Variants in CCDC171 observed in about 807,000 individuals in gnomAD.
CCDC171 encodes the protein coiled-coil domain-containing protein 171.
Under a neutral mutation model 168.2 loss-of-function variants are expected in CCDC171, and 177 were observed. The ratio of observed to expected loss-of-function variants is 1.05; its 90% CI spans 0.93 to 1.19. The LOEUF (loss-of-function observed/expected upper bound fraction) is 1.19. CCDC171 is among the 50% of genes most tolerant of loss of function. CCDC171 has a pLI of 0.00. For missense variants in CCDC171, 1,991 were observed against 1,539.0 expected, an observed-to-expected ratio of 1.29 and a Z score of -4.91; for synonymous variants, 687 against 540.8, an observed-to-expected ratio of 1.27 and a Z score of -3.75.
intron 25 of CCDC171, among the ~76,000 whole-genome samples, chr9:15,931,618 A>C (rs1322224121): frequency 6.6e-6 from 1 of 150,896 alleles, no homozygotes; most frequent in Non-Finnish European, 1.5e-5. Flanking sequence ...AAAGCTGTTT[A>C]GTTTGATGTA....
At position 15,893,720 on chromosome 9, in the gene CCDC171, C is replaced by T. The variant is rs141866593; in HGVS notation, c.3600+19057C>T. On this transcript the variant is annotated intron_variant, in intron 24 of 25. Transcript: ENST00000380701. Reference sequence around the variant, plus strand: ...ATGATTAGAGAAATGCAAACTAAAACCACAATGAGATGCCATCTTGTGCCA... The same window carrying T: ...ATGATTAGAGAAATGCAAACTAAAATCACAATGAGATGCCATCTTGTGCCA... Among the ~76,000 whole-genome samples the T allele has an allele frequency of 6.6e-5, 10 of 152,200 alleles. No homozygotes were observed. In the East Asian group the frequency reaches 1.4e-3, roughly 21 times the overall value.
chr9:16,053,887 G>A (rs1412430808), intron 1 of CCDC171, among the ~76,000 whole-genome samples: 1 of 152,170 alleles, frequency 6.6e-6, no homozygotes, highest in Non-Finnish European at 1.5e-5. Flanking sequence ...TCTTCTCATG[G>A]CCATGCTGCC....
At chr9:15,760,876 C>T (rs2056405176) in intron 18 of CCDC171, among the ~76,000 whole-genome samples, 1 of 151,996 alleles carries the variant, frequency 6.6e-6, no homozygotes, top group Non-Finnish European at 1.5e-5. Context: ...ATAGTGTTTG[C>T]CCACTTGAGA....
chr9:15,895,860 C>A (rs1820829059), intron 24 of CCDC171, among the ~76,000 whole-genome samples: 1 of 151,730 alleles, frequency 6.6e-6, no homozygotes, highest in Non-Finnish European at 1.5e-5. Context: ...TTTCTAAGTC[C>A]CTAAAGTAAG....
chr9:15,717,299 C>G (rs936595899), intron 11 of CCDC171, among the ~76,000 whole-genome samples: 3 of 152,156 alleles, frequency 2.0e-5, no homozygotes, highest in Non-Finnish European at 2.9e-5. Flanking sequence ...CTAGTCCTAG[C>G]CAGAGGGGAA....
chr9:15,623,383 A>G lies in CCDC171; in HGVS notation c.792A>G (p.Gln264=). The G allele has an allele frequency of 1.9e-6, 3 of 1,611,022 alleles. No individual in the cohort carries two copies. ...RQTSELEFST[Q]REERLRKEFE... is the part of the protein sequence containing the mutation. ...CAAGTGAACTTGAATTTAGCACTCA[A>G]CGAGAGGAACGCCTTAGAAAAGAAT... The change falls in exon 7 of 26, where the codon CAA becomes CAG. Residue 264 remains glutamine, a synonymous_variant. Coordinates refer to ENST00000380701, the MANE Select transcript of CCDC171 (RefSeq NM_173550.4).
At chr9:15,762,957 T>A (rs933975470) in intron 18 of CCDC171, among the ~76,000 whole-genome samples, 1 of 152,164 alleles carries the variant, frequency 6.6e-6, no homozygotes, top group Non-Finnish European at 1.5e-5. Flanking sequence ...CTGTCCTCAC[T>A]TCTGACACCA....
intron 18 of CCDC171, among the ~76,000 whole-genome samples, chr9:15,755,301 G>A (rs1379084544): frequency 3.3e-5 from 5 of 152,150 alleles, no homozygotes; most frequent in African/African-American, 9.6e-5. Flanking sequence ...AGGGCAAAAT[G>A]TGAAGGCATT....
rs1173759150 is a variant in CCDC171, at chr9:15,610,709, G to A, written c.676-12558G>A. Among the ~76,000 whole-genome samples, 4 of 151,636 alleles carry A rather than the reference G, an allele frequency of 2.6e-5. No individual in the cohort carries two copies. In the East Asian group the frequency reaches 5.8e-4, roughly 22 times the overall value. ...AATACCTGGGACTACAGGTGTGCACGACCATACCTGGCTAATTTTTTCTGT... is the reference window on the plus strand; with the variant it reads ...AATACCTGGGACTACAGGTGTGCACAACCATACCTGGCTAATTTTTTCTGT... On this transcript the variant is annotated intron_variant, in intron 6 of 25. Transcript: ENST00000380701.
In CCDC171 at chr9:15,565,423, A is replaced by T. The variant is rs555912084; in HGVS notation, c.41+1294A>T. Among the ~76,000 whole-genome samples, 131 of 152,240 alleles carry T rather than the reference A, an allele frequency of 8.6e-4. 2 individuals carry two copies. The highest frequency in any genetic ancestry group is 1.2e-3 in the Non-Finnish European group (81 of 68,018). ...GTCTGAGAACTCCTGGCCTCAGGCA[A>T]TCCTCCTGCATCAGCCTCCCAAGTA... On this transcript the variant is annotated intron_variant, in intron 2 of 25. Coordinates refer to ENST00000380701, the MANE Select transcript of CCDC171 (RefSeq NM_173550.4).
chr9:15,947,813 TA>T (rs973116805), intron 25 of CCDC171, among the ~76,000 whole-genome samples: 2 of 150,940 alleles, frequency 1.3e-5, no homozygotes, highest in African/African-American at 4.9e-5. Flanking sequence ...ATATTTTTTT[TA>T]ATTTTTTTAT....
chr9:15,856,641 A>G (rs921848563), intron 23 of CCDC171, among the ~76,000 whole-genome samples: 1 of 152,018 alleles, frequency 6.6e-6, no homozygotes, highest in African/African-American at 2.4e-5. Context: ...GATCTTGGCT[A>G]TTATAAATAG....
At chr9:16,076,265 G>A in the CCDC171 span, among the ~76,000 whole-genome samples, 3 of 152,082 alleles carry the variant, frequency 2.0e-5, no homozygotes, top group Non-Finnish European at 2.9e-5. Flanking sequence ...AGGTTACGTG[G>A]GCAAGTGCAG....
intron 21 of CCDC171, among the ~76,000 whole-genome samples, chr9:15,825,380 T>A (rs2059969396): frequency 6.6e-6 from 1 of 152,182 alleles, no homozygotes; most frequent in African/African-American, 2.4e-5. Flanking sequence ...ATGAGGATCC[T>A]GAGTCATCCT....
At chr9:16,005,252 G>T (rs895111653) in intron 3 of CCDC171, among the ~76,000 whole-genome samples, 1 of 152,210 alleles carries the variant, frequency 6.6e-6, no homozygotes, top group East Asian at 1.9e-4. Context: ...CACATAATAT[G>T]TGGTCTTTTG....
intron 25 of CCDC171, among the ~76,000 whole-genome samples, chr9:15,947,415 C>T (rs547261991): frequency 1.3e-5 from 2 of 151,896 alleles, no homozygotes; most frequent in South Asian, 2.1e-4. Flanking sequence ...ATTATTTTGA[C>T]GACTCTAAGT....
Position 15,625,421 on chromosome 9 carries a change from C to A in CCDC171, c.822+2008C>A, listed in dbSNP as rs968718619. Among the ~76,000 whole-genome samples, 19 of 152,028 alleles carry A rather than the reference C, an allele frequency of 1.2e-4. No homozygotes were observed. In the East Asian group the frequency reaches 2.7e-3, roughly 22 times the overall value. On this transcript the variant is annotated intron_variant, in intron 7 of 25. Coordinates refer to ENST00000380701, the MANE Select transcript of CCDC171 (RefSeq NM_173550.4). ...CTATGTCCTGAATGGTATTGCCTAG[C>A]TTTTCTTCTAGGGTTTTTATGGTTT... is the stretch of plus-strand genomic sequence containing the variant.
the CCDC171 span, among the ~76,000 whole-genome samples, chr9:16,090,122 T>C: frequency 2.0e-5 from 3 of 152,198 alleles, no homozygotes; most frequent in Non-Finnish European, 4.4e-5. Flanking sequence ...CATGCACACG[T>C]ATGTTTATTG....
At chr9:15,827,043 C>T (rs779980425) in intron 21 of CCDC171, among the ~76,000 whole-genome samples, 1 of 152,126 alleles carries the variant, frequency 6.6e-6, no homozygotes, top group Non-Finnish European at 1.5e-5. Flanking sequence ...GTTGGCTTTC[C>T]TTTAGGATGG....
Sources: gnomAD v4.1 joint callset for allele counts (sites outside exome capture counted in the v4.1 genomes callset) on GRCh38, gnomAD v4.1.1 for gene constraint, MANE v1.5 for transcripts, NCBI Gene and HGNC (gene_info 2026-07-23, HGNC 2026-07-21) for gene names.